FANCA: variants seen among roughly 807,000 people sequenced by gnomAD.
The protein encoded by FANCA is FA complementation group A, also known as Fanconi anemia group A protein.
In FANCA, 236 loss-of-function variants were observed where a neutral mutation model predicts 194.3. The ratio of observed to expected loss-of-function variants is 1.21; its 90% CI spans 1.09 to 1.35. The LOEUF (loss-of-function observed/expected upper bound fraction) is 1.35. Ranked by LOEUF, FANCA falls within the 40% of genes most tolerant of loss-of-function variation. The probability of loss-of-function intolerance (pLI) is 0.00; values close to 1 mark genes in which losing one functional copy is unlikely to be tolerated. For synonymous variants in FANCA, 1,014 were observed against 715.8 expected (o/e 1.42, Z -6.65); for missense variants, 2,628 against 1,813.9 (o/e 1.45, Z -8.15).
At chr16:89,795,617 AAGTG>A (rs1487735793) in intron 11 of FANCA, among the ~76,000 whole-genome samples, 1 of 152,224 alleles carries the variant, frequency 6.6e-6, no homozygotes, top group Non-Finnish European at 1.5e-5. Context: ...CAGCATGGGC[AAGTG>A]AGTGAGACTC....
In FANCA at chr16:89,799,613, A is replaced by G. The variant is rs2040370226; in HGVS notation, c.818T>C (p.Met273Thr). 6.2e-7 allele frequency: 1 copy of G among 1,613,648 alleles called. No homozygotes were observed. Among genetic ancestry groups the G allele is most frequent in the African/African-American group, 1.3e-5 (1 of 75,040 alleles). The change falls in exon 9 of 43, where the codon ATG becomes ACG. Residue 273 changes from methionine to threonine, a missense_variant. Coordinates refer to ENST00000389301, the MANE Select transcript of FANCA (RefSeq NM_000135.4). ...PQVTVDVLQR[M>T]LIFALDALAA... ...CAGTGCAATTAACTTACAAATCAGC[A>G]TTCTCTGCAGTACATCAACCGTGAC...
intron 7 of FANCA, 144 bp from the exon 8 acceptor site, chr16:89,803,485 G>A (rs1598173613): frequency 1.4e-6 from 1 of 734,648 alleles, no homozygotes; most frequent in Non-Finnish European, 2.4e-6. Flanking sequence ...CTAACCTGAG[G>A]AACGCTGCAG....
chr16:89,758,317 T>G (rs2038830847), intron 30 of FANCA, among the ~76,000 whole-genome samples: 1 of 152,194 alleles, frequency 6.6e-6, no homozygotes, highest in Non-Finnish European at 1.5e-5. Flanking sequence ...AGAACTACCA[T>G]GATTAAAAGT....
intron 14 of FANCA, among the ~76,000 whole-genome samples, chr16:89,787,415 C>G (rs1192084945): frequency 6.6e-6 from 1 of 152,094 alleles, no homozygotes; most frequent in African/African-American, 2.4e-5. Context: ...CCCAGCTACT[C>G]AGGAGGCTGT....
At chr16:89,750,501 A>AAAAAAAAAAAAAAC (rs1289505609) in intron 31 of FANCA, among the ~76,000 whole-genome samples, 10 of 145,580 alleles carry the variant, frequency 6.9e-5, no homozygotes, top group East Asian at 2.2e-4. Context: ...ACAAACAAAA[A>AAAAAAAAAAAAAAC]AAAACAGCCA....
At chr16:89,801,343 C>CAAAAA (rs60802306) in intron 8 of FANCA, among the ~76,000 whole-genome samples, 18 of 100,310 alleles carry the variant, frequency 1.8e-4, no homozygotes, top group South Asian at 1.3e-3. Context: ...GACTCTGTCT[C>CAAAAA]AAAAAAAAAA....
intron 10 of FANCA, chr16:89,798,417 T>G: frequency 9.3e-7 from 1 of 1,077,938 alleles, no homozygotes; most frequent in South Asian, 4.0e-5. Context: ...TACAACACAT[T>G]TAATTGAGCA....
rs2038398974 is a variant in FANCA, at chr16:89,746,602, T to G, written c.3495A>C (p.Leu1165Phe). Residue 1165 changes from leucine (L) to phenylalanine (F), a missense_variant, in exon 35 of 43, where the codon TTA becomes TTC. By Grantham distance (22) the Leu-to-Phe change is conservative. Coordinates refer to ENST00000389301, the MANE Select transcript of FANCA (RefSeq NM_000135.4). ...GACCCACCAGAGCAGAGGTCAAAAT[T>G]AAGGGGCATTTCGTCTGGCACTTGG... is the stretch of plus-strand genomic sequence containing the variant. ...ILAKCQTKCP[L>F]ILTSALVWWP... 6.2e-7 allele frequency: 1 copy of G among 1,614,008 alleles called. No homozygotes were observed.
chr16:89,800,603 C>T (rs1339969968), intron 8 of FANCA, among the ~76,000 whole-genome samples: 3 of 152,070 alleles, frequency 2.0e-5, no homozygotes, highest in Non-Finnish European at 4.4e-5. Context: ...CAAAGCAATC[C>T]TGAGGAAAAA....
intron 26 of FANCA, 94 bp from the exon 27 acceptor site, chr16:89,767,331 G>T: frequency 1.1e-6 from 1 of 909,960 alleles, no homozygotes; most frequent in Non-Finnish European, 1.8e-6. Context: ...TGAATTTAGT[G>T]CATTCCGAAC....
At chr16:89,759,746 G>A (rs960067778) in intron 29 of FANCA, among the ~76,000 whole-genome samples, 3 of 152,240 alleles carry the variant, frequency 2.0e-5, no homozygotes, top group South Asian at 4.1e-4. Flanking sequence ...GGCCAACAGA[G>A]TGAGACCCTG....
At chr16:89,741,822 C>G in intron 37 of FANCA, among the ~76,000 whole-genome samples, 1 of 152,184 alleles carries the variant, frequency 6.6e-6, no homozygotes. Flanking sequence ...TGAATCAAGG[C>G]TACTGCAGCA....
rs529814372 is a variant in FANCA at position 89,804,654 on chromosome 16, T to C, written c.709+626A>G. Among the ~76,000 whole-genome samples, 3 of 152,280 alleles carry C rather than the reference T, an allele frequency of 2.0e-5. No individual in the cohort carries two copies. The East Asian group carries it at 5.8e-4, about 29-fold the overall frequency. On this transcript the variant is annotated intron_variant, in intron 7 of 42. Transcript: ENST00000389301. Reference sequence around the variant, plus strand: ...CCAACTACTCCTCAAACTGGGTTGGTCCCTAGTCTGAGCCATCCTCTGGTC... The same window carrying C: ...CCAACTACTCCTCAAACTGGGTTGGCCCCTAGTCTGAGCCATCCTCTGGTC...
intron 28 of FANCA, chr16:89,762,793 G>C (rs9806894): frequency 0.41 from 184,262 of 447,322 alleles, 42,828 homozygotes; most frequent in East Asian, 0.76. Context: ...ACCATGACCA[G>C]CTAAGTTTTT....
intron 5 of FANCA, among the ~76,000 whole-genome samples, chr16:89,809,014 T>C (rs1281087034): frequency 6.6e-6 from 1 of 151,892 alleles, no homozygotes; most frequent in Non-Finnish European, 1.5e-5. Context: ...CACGCCATTC[T>C]CCTGCCTCAG....
intron 27 of FANCA, among the ~76,000 whole-genome samples, chr16:89,766,673 C>T (rs1159565631): frequency 6.6e-6 from 1 of 151,726 alleles, no homozygotes; most frequent in East Asian, 1.9e-4. Flanking sequence ...CGAGATCGCA[C>T]CACTGCACTC....
rs2038475500 is a variant in FANCA, at chr16:89,748,706, T to C, written c.3301A>G (p.Ile1101Val). ...AAGAACTGCTCGCATCTGGCAGTGA[T>C]GGGCTGTTCTGCCTGGAAGCTGCTG... is the stretch of plus-strand genomic sequence containing the variant. The part of the protein sequence containing the change: ...CGSSFQAEQP[I>V]TARCEQFFHL... Residue 1101 changes from isoleucine (I) to valine (V), a missense_variant, in exon 33 of 43, where the codon ATC becomes GTC. Ile to Val is a conservative substitution (Grantham distance 29). Coordinates refer to ENST00000389301, the MANE Select transcript of FANCA (RefSeq NM_000135.4). 1.2e-6 allele frequency: 2 copies of C among 1,614,142 alleles called. No homozygotes were observed. Among genetic ancestry groups the C allele is most frequent in the Non-Finnish European group, 1.7e-6 (2 of 1,180,030 alleles).
intron 28 of FANCA, among the ~76,000 whole-genome samples, chr16:89,763,189 G>C (rs2039011537): frequency 1.3e-5 from 2 of 152,004 alleles, no homozygotes; most frequent in Admixed American, 1.3e-4. Context: ...TGAGGTTGCA[G>C]TGACCCAAGA....
intron 20 of FANCA, among the ~76,000 whole-genome samples, chr16:89,776,446 C>A (rs561077749): frequency 6.6e-6 from 1 of 151,252 alleles, no homozygotes; most frequent in Non-Finnish European, 1.5e-5. Flanking sequence ...GGATTACAGG[C>A]GTGAGCCACC....
Sources: allele counts gnomAD v4.1 joint callset (sites outside exome capture counted in the v4.1 genomes callset), GRCh38; gene constraint gnomAD v4.1.1; transcripts MANE v1.5; gene names NCBI Gene and HGNC (gene_info 2026-07-23, HGNC 2026-07-21).